Variants in PADI1 observed in about 807,000 individuals in gnomAD.
The protein encoded by PADI1 is protein-arginine deiminase type-1.
A neutral mutation model predicts 74.8 loss-of-function variants in PADI1; 65 were observed. That is an observed-to-expected ratio of 0.87 (90% CI 0.71 to 1.07). The LOEUF is 1.07. Ranked by LOEUF, PADI1 falls within the 50% of genes least tolerant of loss-of-function variation. PADI1 has a pLI of 0.00. For missense variants in PADI1, 943 were observed against 854.0 expected (o/e 1.10, Z -1.30); for synonymous variants, 371 against 336.2 (o/e 1.10, Z -1.13).
chr1:17,222,963 A>ATACAGTGATCCCCCAC (rs2072201226), intron 2 of PADI1, among the ~76,000 whole-genome samples: 1 of 91,060 alleles, frequency 1.1e-5, no homozygotes, highest in African/African-American at 6.7e-5. Flanking sequence ...CCAGCACCCA[A>ATACAGTGATCCCCCAC]ATCCTAGACA....
intron 15 of PADI1, among the ~76,000 whole-genome samples, chr1:17,242,974 G>A (rs1318744001): frequency 6.7e-6 from 1 of 150,128 alleles, no homozygotes; most frequent in African/African-American, 2.4e-5. Context: ...CTGACCTCAC[G>A]GGACCCTCCA....
intron 1 of PADI1, among the ~76,000 whole-genome samples, chr1:17,209,524 C>T (rs536053517): frequency 2.8e-4 from 42 of 152,332 alleles, no homozygotes; most frequent in Admixed American, 7.2e-4. Context: ...CTGTGGAACT[C>T]CCTGCTCCCC....
chr1:17,206,695 T>C (rs867560959), intron 1 of PADI1, among the ~76,000 whole-genome samples: 1 of 143,848 alleles, frequency 7.0e-6, no homozygotes, highest in African/African-American at 2.6e-5. Context: ...TTTTTTTTTT[T>C]TTTTTTTTTG....
chr1:17,228,084 G>A (rs1000839259), intron 6 of PADI1, among the ~76,000 whole-genome samples: 5 of 152,066 alleles, frequency 3.3e-5, no homozygotes, highest in East Asian at 1.9e-4. Context: ...TTGAACTCCC[G>A]GGCTCAAGCG....
At chr1:17,227,668 C>T (rs1461037511) in intron 6 of PADI1, among the ~76,000 whole-genome samples, 2 of 152,216 alleles carry the variant, frequency 1.3e-5, no homozygotes, top group Admixed American at 6.5e-5. Context: ...CTTCACCCTT[C>T]GCTGTTCAAA....
intron 1 of PADI1, among the ~76,000 whole-genome samples, chr1:17,215,337 T>C (rs1261477030): frequency 4.6e-5 from 7 of 152,108 alleles, no homozygotes; most frequent in Admixed American, 4.6e-4. Context: ...AGGGTCTTGA[T>C]AGCCCCAGAG....
At chr1:17,217,344 G>T (rs2072007003) in intron 1 of PADI1, among the ~76,000 whole-genome samples, 1 of 152,124 alleles carries the variant, frequency 6.6e-6, no homozygotes, top group African/African-American at 2.4e-5. Context: ...GACCAGTTCA[G>T]GGCCGGTGTG....
chr1:17,215,378 T>TTCATCATCATCATCATCGTCA (rs1459776397), intron 1 of PADI1, among the ~76,000 whole-genome samples: 1 of 148,332 alleles, frequency 6.7e-6, no homozygotes. Flanking sequence ...TCCCCCTTCT[T>TTCATCATCATCATCATCGTCA]TCATCATCAT....
intron 1 of PADI1, among the ~76,000 whole-genome samples, chr1:17,208,776 G>T (rs987399353): frequency 6.6e-6 from 1 of 152,212 alleles, no homozygotes; most frequent in Non-Finnish European, 1.5e-5. Context: ...TGCCAATAAA[G>T]ACAGGGGTGG....
chr1:17,237,395 G>C lies in PADI1; in HGVS notation c.1395G>C (p.Ser465=). The C allele has an allele frequency of 6.2e-7, 1 of 1,613,758 alleles. No homozygotes were observed. The highest frequency in any genetic ancestry group is 8.5e-7 in the Non-Finnish European group (1 of 1,179,814). ...QQVQAPVELY[S]DWLSVGHVDE... ...TGCAGGCACCCGTGGAGCTCTACTCGGACTGGCTCTCTGTGGGCCATGTGG... is the reference window on the plus strand; with the variant it reads ...TGCAGGCACCCGTGGAGCTCTACTCCGACTGGCTCTCTGTGGGCCATGTGG... Residue 465 remains serine, a synonymous_variant, in exon 12 of 16, where the codon TCG becomes TCC. Transcript: ENST00000375471.
chr1:17,208,820 G>T (rs1228134751), intron 1 of PADI1, among the ~76,000 whole-genome samples: 1 of 152,222 alleles, frequency 6.6e-6, no homozygotes, highest in Non-Finnish European at 1.5e-5. Context: ...GTCCTGTGTG[G>T]CCCTCCTTGA....
intron 6 of PADI1, among the ~76,000 whole-genome samples, chr1:17,227,250 A>AT (rs2072342640): frequency 1.3e-5 from 2 of 150,258 alleles, no homozygotes; most frequent in South Asian, 4.2e-4. Flanking sequence ...AAAAAAAAAA[A>AT]GAAAAAGAAA....
intron 6 of PADI1, 41 bp downstream of exon 6, chr1:17,226,199 A>T (rs376159344): frequency 3.7e-6 from 6 of 1,601,768 alleles, no homozygotes; most frequent in East Asian, 4.5e-5. Context: ...AGCTCCATCC[A>T]TATCTATCCT....
chr1:17,214,607 C>G (rs765233577), intron 1 of PADI1, among the ~76,000 whole-genome samples: 1 of 152,118 alleles, frequency 6.6e-6, no homozygotes. Flanking sequence ...TGAGACATCA[C>G]CAAAGAGAAG....
chr1:17,228,717 T>C lies in PADI1; in HGVS notation c.745T>C (p.Phe249Leu). The change falls in exon 7 of 16, where the codon TTC becomes CTC. Residue 249 changes from phenylalanine (F) to leucine (L), a missense_variant. Phe to Leu is a conservative substitution (Grantham distance 22). Transcript: ENST00000375471. ...ACAGCCAGGGGAGCAGGAGATCAAGTTCTATGTGGAGGGGCTGACCTTCCC... is the reference window on the plus strand; with the variant it reads ...ACAGCCAGGGGAGCAGGAGATCAAGCTCTATGTGGAGGGGCTGACCTTCCC... ...ERQPGEQEIK[F>L]YVEGLTFPDA... 6.2e-7 allele frequency: 1 copy of C among 1,614,168 alleles called. No individual in the cohort carries two copies.
In PADI1 at chr1:17,238,630, C is replaced by T; in HGVS notation, c.1473C>T (p.Leu491=). ...CTCCGTGCCAGGGCTTCCGGCTGCTCCTGGCTAGCCCCAGCGCTTGCCTCA... is the reference window on the plus strand; with the variant it reads ...CTCCGTGCCAGGGCTTCCGGCTGCTTCTGGCTAGCCCCAGCGCTTGCCTCA... The part of the protein sequence containing the change: ...PTSDQKGFRL[L]LASPSACLKL... Residue 491 remains leucine, a synonymous_variant, in exon 13 of 16, where the codon CTC becomes CTT. Coordinates refer to ENST00000375471, the MANE Select transcript of PADI1 (RefSeq NM_013358.3). 1 of 1,524,474 alleles carries T rather than the reference C, an allele frequency of 6.6e-7. No homozygotes were observed. Among genetic ancestry groups the T allele is most frequent in the Admixed American group, 1.9e-5 (1 of 51,436 alleles). 94.4% of individuals were successfully genotyped at this position (1,524,474 alleles called of 1,614,324 possible).
At chr1:17,215,501 C>T (rs2071952993) in intron 1 of PADI1, among the ~76,000 whole-genome samples, 2 of 152,146 alleles carry the variant, frequency 1.3e-5, no homozygotes, top group South Asian at 2.1e-4. Context: ...CCACAGAGTC[C>T]TGCTTCCCTT....
At chr1:17,220,789 G>A (rs1356861278) in intron 1 of PADI1, among the ~76,000 whole-genome samples, 1 of 152,250 alleles carries the variant, frequency 6.6e-6, no homozygotes, top group Non-Finnish European at 1.5e-5. Flanking sequence ...GGGGATTAGT[G>A]CAGTGCCTGG....
chr1:17,244,233 TG>T lies in PADI1; in HGVS notation c.1984del (p.Val662CysfsTer92). The T allele has an allele frequency of 6.2e-7, 1 of 1,613,424 alleles. No homozygotes were observed. The highest frequency in any genetic ancestry group is 1.3e-5 in the African/African-American group (1 of 75,024). ...CCCTTTCCCTTCAAATGGTGGAACA[TG>T]GTGCCCTGAGCCTGCCCCCACCCGC... ...RKPFPFKWWN[M>X]VP On this transcript the variant is annotated frameshift_variant, in exon 16 of 16. Coordinates refer to ENST00000375471, the MANE Select transcript of PADI1 (RefSeq NM_013358.3). LOFTEE classifies it high-confidence loss of function.
Sources: gnomAD v4.1 joint callset for allele counts (sites outside exome capture counted in the v4.1 genomes callset) on GRCh38, gnomAD v4.1.1 for gene constraint, MANE v1.5 for transcripts, NCBI Gene and HGNC (gene_info 2026-07-23, HGNC 2026-07-21) for gene names.